LPIN1: variants seen among roughly 807,000 people sequenced by gnomAD.
LPIN1 encodes lipin 1, also known as phosphatidate phosphatase LPIN1.
Under a neutral mutation model 107.5 loss-of-function variants are expected in LPIN1, and 71 were observed. The ratio of observed to expected loss-of-function variants is 0.66; its 90% CI spans 0.55 to 0.80. The LOEUF (loss-of-function observed/expected upper bound fraction) is 0.80. Ranked by LOEUF, LPIN1 falls within the 30% of genes least tolerant of loss-of-function variation. The pLI is 0.00. For missense variants in LPIN1, 1,043 were observed against 1,160.6 expected, an observed-to-expected ratio of 0.90 and a Z score of 1.47; for synonymous variants, 445 against 452.6, an observed-to-expected ratio of 0.98 and a Z score of 0.21.
intron 1 of LPIN1, among the ~76,000 whole-genome samples, chr2:11,696,542 G>A (rs1022357753): frequency 6.6e-6 from 1 of 152,172 alleles, no homozygotes; most frequent in African/African-American, 2.4e-5. Context: ...CGGTGCTAGA[G>A]CCTGGGTTTG....
chr2:11,783,364 A>G (rs1488440461), intron 8 of LPIN1, among the ~76,000 whole-genome samples: 1 of 152,208 alleles, frequency 6.6e-6, no homozygotes, highest in African/African-American at 2.4e-5. Context: ...CAGGCACTTT[A>G]CAGAGGAGGA....
intron 1 of LPIN1, among the ~76,000 whole-genome samples, chr2:11,687,199 T>C (rs1662053746): frequency 6.6e-6 from 1 of 152,066 alleles, no homozygotes; most frequent in Non-Finnish European, 1.5e-5. Flanking sequence ...GATCTTGCTC[T>C]GTTGTCCAGG....
In LPIN1 at chr2:11,820,392, TCA is replaced by T; in HGVS notation, c.2518-17_2518-16del. 6.7e-7 allele frequency: 1 copy of T among 1,494,272 alleles called. No individual in the cohort carries two copies. The highest frequency in any genetic ancestry group is 9.3e-7 in the Non-Finnish European group (1 of 1,070,988). The allele number at this position is 1,494,272 out of a possible 1,614,324, so 92.6% of individuals were successfully genotyped here. A position where few individuals can be genotyped will look rare whatever the true frequency, so the allele number is the denominator to read the frequency against. The stretch of plus-strand genomic sequence containing the variant: ...ACTCTTTTCTAATGAACACTTTAAA[TCA>T]CCTTTACCAAATATAGGATGTGTAT... On this transcript the variant is annotated splice_polypyrimidine_tract_variant and intron_variant, in intron 19 of 20. Coordinates refer to ENST00000674199, the MANE Select transcript of LPIN1 (RefSeq NM_001349206.2).
intron 1 of LPIN1, among the ~76,000 whole-genome samples, chr2:11,738,067 G>A (rs1665966328): frequency 6.6e-6 from 1 of 152,282 alleles, no homozygotes; most frequent in Middle Eastern, 3.4e-3. Context: ...TAAAAAAGAT[G>A]AGGTCATGTC....
At chr2:11,734,672 T>C (rs1214883210) in intron 1 of LPIN1, among the ~76,000 whole-genome samples, 8 of 152,158 alleles carry the variant, frequency 5.3e-5, no homozygotes, top group African/African-American at 1.9e-4. Flanking sequence ...TCCCTGATGT[T>C]TACATTTCAA....
intron 18 of LPIN1, 29 bp downstream of exon 18, chr2:11,815,269 C>G: frequency 3.7e-6 from 6 of 1,613,120 alleles, no homozygotes; most frequent in East Asian, 2.2e-5. Flanking sequence ...GCACCTCCAT[C>G]TGTGAGCCTG....
chr2:11,782,755 A>C (rs1219616345), intron 8 of LPIN1, among the ~76,000 whole-genome samples: 1 of 152,220 alleles, frequency 6.6e-6, no homozygotes, highest in African/African-American at 2.4e-5. Context: ...CTGCTCGCTG[A>C]GACCTGGGAG....
At chr2:11,747,878 T>C (rs1027822172) in intron 1 of LPIN1, among the ~76,000 whole-genome samples, 2 of 152,226 alleles carry the variant, frequency 1.3e-5, no homozygotes, top group African/African-American at 4.8e-5. Context: ...ATTATTCCTA[T>C]TTGCATGTGG....
At chr2:11,690,926 T>C (rs1662236586) in intron 1 of LPIN1, among the ~76,000 whole-genome samples, 1 of 152,148 alleles carries the variant, frequency 6.6e-6, no homozygotes, top group Admixed American at 6.5e-5. Context: ...TTAACAGTCA[T>C]TATCAGATTG....
chr2:11,736,180 T>C (rs766973348), intron 1 of LPIN1, among the ~76,000 whole-genome samples: 15 of 152,226 alleles, frequency 9.9e-5, no homozygotes, highest in Non-Finnish European at 1.5e-4. Flanking sequence ...TGAAACCAAT[T>C]TGATGCCCTT....
intron 18 of LPIN1, 100 bp from the exon 19 acceptor site, chr2:11,819,384 G>C (rs1021358593): frequency 2.5e-6 from 2 of 814,760 alleles, no homozygotes; most frequent in Non-Finnish European, 4.3e-6. Flanking sequence ...TTGAAGATTT[G>C]AGTTTTCTCA....
intron 10 of LPIN1, among the ~76,000 whole-genome samples, chr2:11,785,846 T>C (rs1383576306): frequency 6.6e-6 from 1 of 152,196 alleles, no homozygotes; most frequent in African/African-American, 2.4e-5. Context: ...TCCGCAAAGA[T>C]TGAGACCTTT....
chr2:11,736,539 G>A (rs979335828), intron 1 of LPIN1, among the ~76,000 whole-genome samples: 1 of 152,148 alleles, frequency 6.6e-6, no homozygotes, highest in African/African-American at 2.4e-5. Context: ...AGCACAGTGG[G>A]GACTAGGGTT....
At chr2:11,779,041 C>T (rs1194079336) in intron 6 of LPIN1, among the ~76,000 whole-genome samples, 3 of 152,170 alleles carry the variant, frequency 2.0e-5, no homozygotes, top group Non-Finnish European at 2.9e-5. Context: ...TTCCCTGTTT[C>T]CCAGGCCAGT....
chr2:11,800,003 G>A (rs1017987349), intron 14 of LPIN1, among the ~76,000 whole-genome samples: 4 of 152,136 alleles, frequency 2.6e-5, no homozygotes, highest in Non-Finnish European at 5.9e-5. Context: ...AGTTCTAGCC[G>A]ATGCTCTGTT....
chr2:11,742,017 G>A (rs1256149583), upstream of LPIN1: 1 of 152,150 alleles, frequency 6.6e-6, no homozygotes, highest in African/African-American at 2.4e-5. Flanking sequence ...TCCCAAAGCT[G>A]CTGAGATGGG....
Position 11,824,955 on chromosome 2 carries a change from C to A in LPIN1, c.*164C>A. 1.3e-6 allele frequency: 1 copy of A among 759,136 alleles called. No individual in the cohort carries two copies. The highest frequency in any genetic ancestry group is 2.1e-6 in the Non-Finnish European group (1 of 468,330). The allele number at this position is 759,136 out of a possible 1,614,324, so 47.0% of individuals were successfully genotyped here. On this transcript the variant is annotated 3_prime_UTR_variant, in exon 21 of 21. Coordinates refer to ENST00000674199, the MANE Select transcript of LPIN1 (RefSeq NM_001349206.2). ...ATTTCTCCCCTGCCCCACCCCGGGG[C>A]TGACATTTCTAAGCAAGATAGGAAG...
upstream of LPIN1, among the ~76,000 whole-genome samples, chr2:11,720,507 G>A (rs1170098738): frequency 6.6e-6 from 1 of 152,126 alleles, no homozygotes; most frequent in African/African-American, 2.4e-5. Flanking sequence ...AGGGAGAACT[G>A]ACATAGCGGG....
Position 11,765,510 on chromosome 2 carries a change from G to GTT in LPIN1, c.-9-15_-9-14dup. On this transcript the variant is annotated intron_variant, in intron 1 of 20. Coordinates refer to ENST00000674199, the MANE Select transcript of LPIN1 (RefSeq NM_001349206.2). This position sits in a 1 kb window ranked among gnomAD's most constrained non-coding sequence, Gnocchi z 4.4. ...TTGGATTAATTGTGTGTCTGTGTGTGTTTTTTTTTGTCTGTTTTCCAGGTG... is the reference window on the plus strand; with the variant it reads ...TTGGATTAATTGTGTGTCTGTGTGTGTTTTTTTTTTTGTCTGTTTTCCAGGTG... 6.3e-7 allele frequency: 1 copy of GTT among 1,584,516 alleles called. No homozygotes were observed. Among genetic ancestry groups the GTT allele is most frequent in the South Asian group, 1.1e-5 (1 of 88,560 alleles).
Sources: gnomAD v4.1 joint callset for allele counts (sites outside exome capture counted in the v4.1 genomes callset) on GRCh38, gnomAD v4.1.1 for gene constraint, Gnocchi (gnomAD v3.1) non-coding constraint, MANE v1.5 for transcripts, NCBI Gene and HGNC (gene_info 2026-07-23, HGNC 2026-07-21) for gene names.